The following RANBP10 variants were observed in gnomAD, a reference collection of about 807,000 sequenced individuals.
RANBP10 encodes the protein RAN binding protein 10.
A neutral mutation model predicts 72.8 loss-of-function variants in RANBP10; 24 were observed. The observed-to-expected ratio is 0.33, with a 90% CI of 0.24 to 0.46. The LOEUF is 0.46. Ranked by LOEUF, RANBP10 falls within the 20% of genes least tolerant of loss-of-function variation. RANBP10 has a pLI of 1.00. For missense variants in RANBP10, 679 were observed against 817.5 expected, an observed-to-expected ratio of 0.83 and a Z score of 2.07; for synonymous variants, 310 against 322.3, an observed-to-expected ratio of 0.96 and a Z score of 0.41.
intron 3 of RANBP10, among the ~76,000 whole-genome samples, chr16:67,757,373 G>A (rs2054305112): frequency 6.6e-6 from 1 of 152,170 alleles, no homozygotes; most frequent in Non-Finnish European, 1.5e-5. Flanking sequence ...TGGCCTCCTG[G>A]GGAAGCAATC....
chr16:67,748,697 G>T (rs1161562580), intron 3 of RANBP10, among the ~76,000 whole-genome samples: 1 of 152,082 alleles, frequency 6.6e-6, no homozygotes, highest in Non-Finnish European at 1.5e-5. Flanking sequence ...AGTGAAAAAG[G>T]AAGGAGGATG....
intron 3 of RANBP10, among the ~76,000 whole-genome samples, chr16:67,769,462 A>AAAAAAAAAAAAAAAC (rs1567699175): frequency 7.3e-6 from 1 of 136,798 alleles, no homozygotes. Flanking sequence ...AAAAAAAAAA[A>AAAAAAAAAAAAAAAC]GTGCTGGGCG....
chr16:67,787,284 G>A (rs941302361), intron 2 of RANBP10, among the ~76,000 whole-genome samples: 1 of 152,110 alleles, frequency 6.6e-6, no homozygotes, highest in African/African-American at 2.4e-5. Context: ...TACTTGAGAG[G>A]CTGAAGCAAG....
intron 4 of RANBP10, among the ~76,000 whole-genome samples, chr16:67,739,682 C>A (rs201763947): frequency 1.3e-5 from 2 of 152,186 alleles, no homozygotes; most frequent in East Asian, 3.8e-4. Flanking sequence ...AGGAGGACCA[C>A]TTGAGCCCTG....
At chr16:67,758,361 G>A (rs755550066) in intron 3 of RANBP10, among the ~76,000 whole-genome samples, 6 of 152,232 alleles carry the variant, frequency 3.9e-5, no homozygotes, top group Non-Finnish European at 5.9e-5. Flanking sequence ...CTAGGGCTGG[G>A]TTTAGCTTTT....
Position 67,724,311 on chromosome 16 carries a change from T to A in RANBP10, c.*2117A>T, listed in dbSNP as rs1383808785. On this transcript the variant is annotated 3_prime_UTR_variant, in exon 14 of 14. Coordinates refer to ENST00000317506, the MANE Select transcript of RANBP10 (RefSeq NM_020850.3). ...GGATAAGGGATAGTCCCGGCTCTGC[T>A]ACTAATTTGCTATGTGACTTTAGCC... 1 of 152,240 alleles carries A rather than the reference T, an allele frequency of 6.6e-6. No homozygotes were observed. The highest frequency in any genetic ancestry group is 1.5e-5 in the Non-Finnish European group (1 of 68,046). The allele number at this position is 152,240 out of a possible 1,614,324, so 9.4% of individuals were successfully genotyped here.
At chr16:67,788,183 T>TTGAC (rs981352831) in intron 2 of RANBP10, among the ~76,000 whole-genome samples, 1 of 152,042 alleles carries the variant, frequency 6.6e-6, no homozygotes, top group African/African-American at 2.4e-5. Flanking sequence ...GGAACTTTGA[T>TTGAC]TGACTGACTG....
intron 2 of RANBP10, among the ~76,000 whole-genome samples, chr16:67,796,168 G>A (rs1218412978): frequency 1.3e-5 from 2 of 151,918 alleles, no homozygotes; most frequent in African/African-American, 2.4e-5. Context: ...CGCCTGCCTC[G>A]GCCTCCCAAA....
intron 2 of RANBP10, among the ~76,000 whole-genome samples, chr16:67,792,037 T>C (rs577583286): frequency 1.4e-5 from 2 of 138,818 alleles, no homozygotes; most frequent in African/African-American, 2.7e-5. Context: ...AGAGTGAGAC[T>C]CCGTCTCAAA....
At chr16:67,786,045 G>A (rs1219886068) in intron 2 of RANBP10, among the ~76,000 whole-genome samples, 1 of 151,734 alleles carries the variant, frequency 6.6e-6, no homozygotes, top group Non-Finnish European at 1.5e-5. Context: ...TCATCAAGAG[G>A]CCAGGCATGG....
intron 3 of RANBP10, chr16:67,762,344 C>G (rs1044214151): frequency 6.6e-6 from 1 of 152,306 alleles, no homozygotes. Context: ...CAGGAATTAA[C>G]TCAATCCTCA....
At chr16:67,755,213 T>C (rs2054265442) in intron 3 of RANBP10, among the ~76,000 whole-genome samples, 1 of 152,286 alleles carries the variant, frequency 6.6e-6, no homozygotes, top group African/African-American at 2.4e-5. Context: ...GCTTCAGAAC[T>C]GGACAACCCT....
At chr16:67,765,163 G>A (rs2054474571) in intron 3 of RANBP10, among the ~76,000 whole-genome samples, 1 of 111,916 alleles carries the variant, frequency 8.9e-6, no homozygotes, top group Admixed American at 1.4e-4. Context: ...TTGCACCACT[G>A]CACTCCAACC....
In RANBP10 at chr16:67,726,212, A is replaced by G. The variant is rs2053594846; in HGVS notation, c.*216T>C. On this transcript the variant is annotated 3_prime_UTR_variant, in exon 14 of 14. Coordinates refer to ENST00000317506, the MANE Select transcript of RANBP10 (RefSeq NM_020850.3). ...GAGTAACCAGCCAATACTGTGTTAC[A>G]GGCCGCTGCACGTGAAGGGGAGAGA... 2 of 584,790 alleles carry G rather than the reference A, an allele frequency of 3.4e-6. No homozygotes were observed. The highest frequency in any genetic ancestry group is 3.9e-5 in the South Asian group (2 of 51,724). 36.2% of individuals were successfully genotyped at this position (584,790 alleles called of 1,614,324 possible).
At chr16:67,790,016 A>T (rs902875176) in intron 2 of RANBP10, among the ~76,000 whole-genome samples, 2 of 151,488 alleles carry the variant, frequency 1.3e-5, no homozygotes, top group Non-Finnish European at 2.9e-5. Flanking sequence ...AGAATTGCTG[A>T]ACCTGGGAGG....
At chr16:67,765,311 G>A (rs556558297) in intron 3 of RANBP10, among the ~76,000 whole-genome samples, 165 of 151,404 alleles carry the variant, frequency 1.1e-3, no homozygotes, top group Non-Finnish European at 2.2e-3. Flanking sequence ...TGAATCACCT[G>A]AGGCTGGGAG....
At chr16:67,781,954 C>A (rs1186538419) in intron 2 of RANBP10, among the ~76,000 whole-genome samples, 1 of 152,084 alleles carries the variant, frequency 6.6e-6, no homozygotes, top group Non-Finnish European at 1.5e-5. Flanking sequence ...GCAGGGGGTC[C>A]ATGCTGCCAC....
intron 6 of RANBP10, among the ~76,000 whole-genome samples, chr16:67,734,452 G>A (rs1273401132): frequency 6.6e-6 from 1 of 152,246 alleles, no homozygotes; most frequent in Non-Finnish European, 1.5e-5. Context: ...TCAGTTGGAT[G>A]CTGGGCCCTG....
chr16:67,727,492 G>A (rs2053627815), intron 12 of RANBP10, 54 bp from the exon 13 acceptor site: 2 of 1,510,200 alleles, frequency 1.3e-6, no homozygotes, highest in Admixed American at 1.9e-5. Flanking sequence ...AGCTCACCCT[G>A]CTACCCGTGG....
Sources: gnomAD v4.1 joint callset for allele counts (sites outside exome capture counted in the v4.1 genomes callset) on GRCh38, gnomAD v4.1.1 for gene constraint, MANE v1.5 for transcripts, NCBI Gene and HGNC (gene_info 2026-07-23, HGNC 2026-07-21) for gene names.